Variants in VTCN1 observed in about 807,000 individuals in gnomAD.
The protein encoded by VTCN1 is V-set domain containing T cell activation inhibitor 1, also known as V-set domain-containing T-cell activation inhibitor 1.
In VTCN1, 26 loss-of-function variants were observed where a neutral mutation model predicts 26.5. The ratio of observed to expected loss-of-function variants is 0.98; its 90% CI spans 0.72 to 1.36. VTCN1 has a LOEUF of 1.36. Ranked by LOEUF, VTCN1 falls within the 40% of genes most tolerant of loss-of-function variation. The pLI is 0.00. For synonymous variants in VTCN1, 116 were observed against 130.7 expected (o/e 0.89, Z 0.77); for missense variants, 298 against 337.7 (o/e 0.88, Z 0.92).
intron 1 of VTCN1, among the ~76,000 whole-genome samples, chr1:117,199,876 C>T (rs1274080082): frequency 2.6e-5 from 4 of 152,210 alleles, no homozygotes; most frequent in East Asian, 1.9e-4. Flanking sequence ...CCTTGTGATC[C>T]GCCCACCTCG....
intron 1 of VTCN1, among the ~76,000 whole-genome samples, chr1:117,209,585 A>G (rs1203615835): frequency 6.6e-6 from 1 of 152,138 alleles, no homozygotes; most frequent in East Asian, 1.9e-4. Flanking sequence ...GTCACTCACA[A>G]AATGCTAGCT....
In VTCN1 at chr1:117,146,633, A is replaced by T. The variant is rs995388283; in HGVS notation, c.*45+980T>A. ...GATTTCCAGGAAAAGACAGTGAGGGAGGGAGCAAGACCAGAAAGTAATGGT... is the reference window on the plus strand; with the variant it reads ...GATTTCCAGGAAAAGACAGTGAGGGTGGGAGCAAGACCAGAAAGTAATGGT... On this transcript the variant is annotated intron_variant, in intron 5 of 5. Coordinates refer to ENST00000369458, the MANE Select transcript of VTCN1 (RefSeq NM_024626.4). The surrounding 1 kb of genome is among the most constrained non-coding windows in gnomAD (Gnocchi z 4.2). Among the ~76,000 whole-genome samples, 1 of 152,198 alleles carries T rather than the reference A, an allele frequency of 6.6e-6. No homozygotes were observed. The highest frequency in any genetic ancestry group is 6.5e-5 in the Admixed American group (1 of 15,280).
intron 1 of VTCN1, among the ~76,000 whole-genome samples, chr1:117,180,558 G>C (rs985574535): frequency 2.0e-5 from 3 of 152,204 alleles, no homozygotes; most frequent in African/African-American, 7.2e-5. Flanking sequence ...CAAAGGGCCT[G>C]TACTGTTAGA....
intron 4 of VTCN1, among the ~76,000 whole-genome samples, chr1:117,150,182 G>C (rs1366770314): frequency 2.0e-5 from 3 of 152,188 alleles, no homozygotes; most frequent in Non-Finnish European, 2.9e-5. Flanking sequence ...CATTGGCCTA[G>C]GTATGGGCAG....
At chr1:117,151,726 C>A (rs1173266993) in intron 4 of VTCN1, among the ~76,000 whole-genome samples, 1 of 152,152 alleles carries the variant, frequency 6.6e-6, no homozygotes, top group Non-Finnish European at 1.5e-5. Context: ...CGGCTGGCTC[C>A]ATATCTCAGT....
chr1:117,196,199 T>G (rs138917544), intron 1 of VTCN1, among the ~76,000 whole-genome samples: 2 of 152,170 alleles, frequency 1.3e-5, no homozygotes, highest in African/African-American at 4.8e-5. Flanking sequence ...GGCAAATAAT[T>G]GAAGGCAATT....
intron 1 of VTCN1, among the ~76,000 whole-genome samples, chr1:117,205,014 G>A (rs910513235): frequency 1.3e-4 from 19 of 150,194 alleles, no homozygotes; most frequent in African/African-American, 1.7e-4. Flanking sequence ...ATATATATGC[G>A]TATATATACA....
At chr1:117,193,736 A>G (rs183493168) in intron 1 of VTCN1, among the ~76,000 whole-genome samples, 1 of 152,278 alleles carries the variant, frequency 6.6e-6, no homozygotes, top group African/African-American at 2.4e-5. Context: ...CAATAATTCT[A>G]CAGACAAAAT....
At chr1:117,176,136 G>A (rs1313999680) in intron 1 of VTCN1, among the ~76,000 whole-genome samples, 5 of 152,152 alleles carry the variant, frequency 3.3e-5, no homozygotes, top group African/African-American at 9.7e-5. Context: ...AACAAGAGCC[G>A]ATGCTTATCA....
intron 1 of VTCN1, among the ~76,000 whole-genome samples, chr1:117,191,487 C>T (rs1227368728): frequency 6.6e-6 from 1 of 152,138 alleles, no homozygotes; most frequent in Non-Finnish European, 1.5e-5. Flanking sequence ...GATAGCCAGA[C>T]ACTATTTCTA....
At chr1:117,174,263 T>TA (rs1653082728) in intron 1 of VTCN1, among the ~76,000 whole-genome samples, 1 of 152,168 alleles carries the variant, frequency 6.6e-6, no homozygotes. Context: ...AGGGCCCAAA[T>TA]AAAAATCAAT....
intron 1 of VTCN1, chr1:117,203,892 T>C (rs1377416656): frequency 1.8e-6 from 1 of 550,376 alleles, no homozygotes; most frequent in Non-Finnish European, 2.3e-6. Context: ...AAAATTTGCA[T>C]CTCTAATAGT....
rs1652808597 is a variant in VTCN1, at chr1:117,169,873, C to T, written c.97+234G>A. 6.6e-6 allele frequency among the ~76,000 whole-genome samples: 1 copy of T among 152,102 alleles called. No individual in the cohort carries two copies. Among genetic ancestry groups the T allele is most frequent in the Admixed American group, 6.5e-5 (1 of 15,282 alleles). On this transcript the variant is annotated intron_variant, in intron 2 of 5. Coordinates refer to ENST00000369458, the MANE Select transcript of VTCN1 (RefSeq NM_024626.4). This position sits in a 1 kb window ranked among gnomAD's most constrained non-coding sequence, Gnocchi z 4.0. ...TCATGCCACTGCACTCCAACCTGGG[C>T]AACAGAGCCAGACCCTGTCTCAAAA...
At chr1:117,176,357 T>C (rs1190807991) in intron 1 of VTCN1, among the ~76,000 whole-genome samples, 1 of 152,194 alleles carries the variant, frequency 6.6e-6, no homozygotes, top group Non-Finnish European at 1.5e-5. Flanking sequence ...GCTATACTTC[T>C]AGAAAAAGTG....
intron 1 of VTCN1, among the ~76,000 whole-genome samples, chr1:117,182,659 G>A (rs189837796): frequency 2.6e-5 from 4 of 152,302 alleles, no homozygotes; most frequent in African/African-American, 7.2e-5. Flanking sequence ...CACAAAGGAA[G>A]CTTCCCAGGC....
chr1:117,173,636 G>A (rs987542282), intron 1 of VTCN1, among the ~76,000 whole-genome samples: 3 of 152,294 alleles, frequency 2.0e-5, no homozygotes, highest in East Asian at 3.8e-4. Context: ...ATACAAAAAG[G>A]TTGTTTCAGG....
chr1:117,165,484 G>T (rs1652561857), intron 2 of VTCN1, among the ~76,000 whole-genome samples: 1 of 152,100 alleles, frequency 6.6e-6, no homozygotes, highest in African/African-American at 2.4e-5. Context: ...AAATGGCTTG[G>T]GTCATCCCCT....
At chr1:117,203,596 A>C in intron 1 of VTCN1, 1 of 985,298 alleles carries the variant, frequency 1.0e-6, no homozygotes, top group Non-Finnish European at 1.2e-6. Context: ...ACACAGAGAG[A>C]AATGTAGCCT....
At chr1:117,165,844 A>T (rs745545323) in intron 2 of VTCN1, among the ~76,000 whole-genome samples, 1 of 152,268 alleles carries the variant, frequency 6.6e-6, no homozygotes, top group Non-Finnish European at 1.5e-5. Context: ...CTTATATATT[A>T]AACCAGCTAA....
Sources: allele counts gnomAD v4.1 joint callset (sites outside exome capture counted in the v4.1 genomes callset), GRCh38; gene constraint gnomAD v4.1.1; non-coding constraint Gnocchi (gnomAD v3.1); transcripts MANE v1.5; gene names NCBI Gene and HGNC (gene_info 2026-07-23, HGNC 2026-07-21).